Variants in AKAP6 observed in about 807,000 individuals in gnomAD.
AKAP6 encodes A-kinase anchoring protein 6.
AKAP6 carries 58 observed loss-of-function variants against 188.5 expected under a neutral mutation model. That is an observed-to-expected ratio of 0.31 (90% CI 0.25 to 0.38). The LOEUF is 0.38. Among genes scored for constraint, AKAP6 ranks in the 10% least tolerant of loss-of-function variants. The pLI, the probability that AKAP6 is intolerant of heterozygous loss-of-function variation, is 1.00. For synonymous variants in AKAP6, 989 were observed against 998.6 expected (o/e 0.99, Z 0.18); for missense variants, 2,710 against 2,740.0 (o/e 0.99, Z 0.24).
At chr14:32,423,646 A>G (rs1889928081) in intron 1 of AKAP6, among the ~76,000 whole-genome samples, 1 of 152,156 alleles carries the variant, frequency 6.6e-6, no homozygotes, top group Non-Finnish European at 1.5e-5. Context: ...TTCCTACTTT[A>G]CATATTGAGG....
At chr14:32,795,968 A>G (rs1403989623) in intron 12 of AKAP6, among the ~76,000 whole-genome samples, 1 of 152,228 alleles carries the variant, frequency 6.6e-6, no homozygotes, top group Admixed American at 6.5e-5. Flanking sequence ...AAAAATTGCT[A>G]GCATTTCTAT....
At chr14:32,456,746 T>C (rs572440222) in intron 2 of AKAP6, among the ~76,000 whole-genome samples, 5 of 152,264 alleles carry the variant, frequency 3.3e-5, no homozygotes, top group Admixed American at 2.6e-4. Context: ...GAGGATCTTG[T>C]CCAAGGACCC....
At chr14:32,607,931 C>T (rs1886189802) in intron 7 of AKAP6, among the ~76,000 whole-genome samples, 1 of 152,084 alleles carries the variant, frequency 6.6e-6, no homozygotes, top group African/African-American at 2.4e-5. Context: ...AGAAGGGCAA[C>T]TTTTCTTCAA....
At chr14:32,364,653 C>T (rs1163063038) in intron 1 of AKAP6, among the ~76,000 whole-genome samples, 1 of 152,064 alleles carries the variant, frequency 6.6e-6, no homozygotes, top group East Asian at 1.9e-4. Flanking sequence ...GGCGCTGTCC[C>T]CTGCCCCGAC....
chr14:32,665,131 C>T (rs1352830927), intron 7 of AKAP6, among the ~76,000 whole-genome samples: 1 of 152,016 alleles, frequency 6.6e-6, no homozygotes, highest in Non-Finnish European at 1.5e-5. Flanking sequence ...GGAGAGTTCT[C>T]CCCATACACC....
chr14:32,510,462 G>GTA (rs764358765), intron 2 of AKAP6, among the ~76,000 whole-genome samples: 895 of 67,212 alleles, frequency 0.013, 11 homozygotes, highest in African/African-American at 0.045. Context: ...ATATATATGT[G>GTA]TATATATATA....
At chr14:32,510,404 G>GTATATATATACA (rs1491117066) in intron 2 of AKAP6, among the ~76,000 whole-genome samples, 6 of 74,756 alleles carry the variant, frequency 8.0e-5, no homozygotes. Flanking sequence ...GTATATATAT[G>GTATATATATACA]TATATATATG....
intron 7 of AKAP6, among the ~76,000 whole-genome samples, chr14:32,660,263 C>T (rs1049410473): frequency 6.6e-6 from 1 of 152,048 alleles, no homozygotes; most frequent in Non-Finnish European, 1.5e-5. Flanking sequence ...TCAGACTTTC[C>T]AGGATGAGGC....
intron 1 of AKAP6, among the ~76,000 whole-genome samples, chr14:32,358,519 G>A (rs28360933): frequency 0.044 from 6,701 of 152,210 alleles, 454 homozygotes; most frequent in African/African-American, 0.15. Context: ...TCTGACCTGT[G>A]TTGGGTGGGG....
intron 9 of AKAP6, among the ~76,000 whole-genome samples, chr14:32,698,891 T>A (rs1408504399): frequency 6.6e-6 from 1 of 152,064 alleles, no homozygotes; most frequent in Non-Finnish European, 1.5e-5. Flanking sequence ...ATGGCAAAAA[T>A]CCTAGGAAAC....
At chr14:32,828,711 A>T (rs1309748349) in intron 13 of AKAP6, among the ~76,000 whole-genome samples, 1 of 152,208 alleles carries the variant, frequency 6.6e-6, no homozygotes, top group Non-Finnish European at 1.5e-5. Context: ...GGGAATCCCT[A>T]TTCTGTGGCC....
intron 9 of AKAP6, among the ~76,000 whole-genome samples, chr14:32,697,214 A>G (rs1057208592): frequency 1.3e-5 from 2 of 152,136 alleles, no homozygotes; most frequent in African/African-American, 4.8e-5. Context: ...GTACTTTTCA[A>G]GGGTCTGGTT....
At chr14:32,748,816 G>A (rs920629058) in intron 11 of AKAP6, among the ~76,000 whole-genome samples, 1 of 152,102 alleles carries the variant, frequency 6.6e-6, no homozygotes, top group African/African-American at 2.4e-5. Context: ...TTCCTCTTTT[G>A]AGCAAGGCGG....
At chr14:32,380,984 C>G (rs1337376836) in intron 1 of AKAP6, among the ~76,000 whole-genome samples, 3 of 152,056 alleles carry the variant, frequency 2.0e-5, no homozygotes, top group African/African-American at 7.2e-5. Context: ...GTGGAAGAAA[C>G]ATGCCCTCAG....
chr14:32,660,926 C>T (rs1040696120), intron 7 of AKAP6, among the ~76,000 whole-genome samples: 2 of 76,634 alleles, frequency 2.6e-5, no homozygotes, highest in Non-Finnish European at 5.0e-5. Context: ...TCCCCGCCAC[C>T]CCCCCCCCTC....
Position 32,546,744 on chromosome 14 carries a change from T to A in AKAP6, c.2091T>A (p.Ser697=), listed in dbSNP as rs1566568431. Residue 697 remains serine (S), a synonymous_variant, in exon 4 of 14, where the codon TCT becomes TCA. Transcript: ENST00000280979. ...KKKHTRLGRV[S]PSSSSDIASS... ...AGCATACAAGGCTAGGCAGGGTGTC[T>A]CCAAGCTCATCTAGTGACATAGCCT... 1 of 1,614,076 alleles carries A rather than the reference T, an allele frequency of 6.2e-7. No individual in the cohort carries two copies. Among genetic ancestry groups the A allele is most frequent in the Non-Finnish European group, 8.5e-7 (1 of 1,179,998 alleles).
intron 10 of AKAP6, 64 bp downstream of exon 10, chr14:32,732,664 G>T (rs1197809426): frequency 6.4e-7 from 1 of 1,554,004 alleles, no homozygotes; most frequent in East Asian, 2.2e-5. Flanking sequence ...GAAGTACTCT[G>T]TCCGATTTCT....
At chr14:32,829,642 T>C (rs1425083298) in intron 13 of AKAP6, among the ~76,000 whole-genome samples, 1 of 152,174 alleles carries the variant, frequency 6.6e-6, no homozygotes, top group Non-Finnish European at 1.5e-5. Flanking sequence ...ATCAATGTAT[T>C]TTTCACATCT....
chr14:32,817,337 A>G lies in AKAP6; in HGVS notation c.3589-4065A>G, dbSNP rs557686754. ...TCATAATCATTTCTCCACCACTTTT[A>G]TTGCTTTCTCTGTATATGTTGTGCT... On this transcript the variant is annotated intron_variant, in intron 12 of 13. Transcript: ENST00000280979. Among the ~76,000 whole-genome samples the G allele has an allele frequency of 8.5e-5, 13 of 152,114 alleles. No homozygotes were observed. The South Asian group carries it at 2.3e-3, about 27-fold the overall frequency.
Sources: allele counts gnomAD v4.1 joint callset (sites outside exome capture counted in the v4.1 genomes callset), GRCh38; gene constraint gnomAD v4.1.1; transcripts MANE v1.5; gene names NCBI Gene and HGNC (gene_info 2026-07-23, HGNC 2026-07-21).